Variants in KIF3B observed in about 807,000 individuals in gnomAD.
The protein encoded by KIF3B is kinesin-like protein KIF3B.
In KIF3B, 38 loss-of-function variants were observed where a neutral mutation model predicts 74.3. The ratio of observed to expected loss-of-function variants is 0.51; its 90% CI spans 0.39 to 0.67. The LOEUF (loss-of-function observed/expected upper bound fraction) is 0.67. Among genes scored for constraint, KIF3B ranks in the 30% least tolerant of loss-of-function variants. The pLI is 0.00. For missense variants in KIF3B, 649 were observed against 932.0 expected, an observed-to-expected ratio of 0.70 and a Z score of 3.95; for synonymous variants, 326 against 342.5, an observed-to-expected ratio of 0.95 and a Z score of 0.53.
chr20:32,303,646 T>A (rs2047754978), intron 1 of KIF3B, among the ~76,000 whole-genome samples: 1 of 151,538 alleles, frequency 6.6e-6, no homozygotes, highest in Non-Finnish European at 1.5e-5. Flanking sequence ...GGCAGGTGGA[T>A]CACCTGAGAT....
chr20:32,315,091 T>C (rs1243828463), intron 2 of KIF3B, among the ~76,000 whole-genome samples: 1 of 152,202 alleles, frequency 6.6e-6, no homozygotes, highest in Non-Finnish European at 1.5e-5. Flanking sequence ...AGCCCAGGCC[T>C]AGACCCCTGC....
chr20:32,298,145 A>C (rs2122672314), intron 1 of KIF3B, among the ~76,000 whole-genome samples: 1 of 151,934 alleles, frequency 6.6e-6, no homozygotes, highest in South Asian at 2.1e-4. Flanking sequence ...TGAATTAAAA[A>C]AAAAAATTCA....
chr20:32,323,514 C>G (rs1390671178), intron 5 of KIF3B, among the ~76,000 whole-genome samples: 1 of 151,996 alleles, frequency 6.6e-6, no homozygotes, highest in Non-Finnish European at 1.5e-5. Flanking sequence ...ATTCTCCTGC[C>G]TCGGCCTCCC....
rs571951855 is a variant in KIF3B, at chr20:32,303,434, G to A, written c.-65-6279G>A. On this transcript the variant is annotated intron_variant, in intron 1 of 8. Coordinates refer to ENST00000375712, the MANE Select transcript of KIF3B (RefSeq NM_004798.4). ...GCAAAAATTAGCTGGACCTGGTGGC[G>A]GGTGCTTGTGATCCCAGCTACTTGG... Among the ~76,000 whole-genome samples, 96 of 151,968 alleles carry A rather than the reference G, an allele frequency of 6.3e-4. 1 individual carries two copies. The highest frequency in any genetic ancestry group is 7.9e-4 in the Admixed American group (12 of 15,224).
In KIF3B at chr20:32,316,649, G is replaced by A. The variant is rs2047829062; in HGVS notation, c.1629G>A (p.Lys543=). 1 of 1,614,080 alleles carries A rather than the reference G, an allele frequency of 6.2e-7. No homozygotes were observed. Among genetic ancestry groups the A allele is most frequent in the Non-Finnish European group, 8.5e-7 (1 of 1,180,024 alleles). The part of the protein sequence containing the change: ...EVDIKTKKLK[K]LFSKLQAVKA... ...ACATCAAGACCAAAAAACTCAAAAA[G>A]GTATGAAAGGAATGAGGCCAGATGG... is the stretch of plus-strand genomic sequence containing the variant. The change falls in exon 4 of 9, where the codon AAG becomes AAA. Residue 543 remains lysine, a splice_region_variant and synonymous_variant. Coordinates refer to ENST00000375712, the MANE Select transcript of KIF3B (RefSeq NM_004798.4).
chr20:32,290,869 T>C (rs1354588307), intron 1 of KIF3B, among the ~76,000 whole-genome samples: 3 of 149,732 alleles, frequency 2.0e-5, no homozygotes, highest in Non-Finnish European at 4.4e-5. Context: ...TCAGCAAGAC[T>C]GTGTCTCAAA....
At position 32,283,157 on chromosome 20, in the gene KIF3B, C is replaced by T. The variant is rs1039884470; in HGVS notation, c.-66+5392C>T. ...GCTCAAGTGATCCTTCTACCTCAGT[C>T]TCTTGAGTGGCTGGGACCGCAGGCA... On this transcript the variant is annotated intron_variant, in intron 1 of 8. Transcript: ENST00000375712. Among the ~76,000 whole-genome samples the T allele has an allele frequency of 2.0e-5, 3 of 152,094 alleles. No individual in the cohort carries two copies. The East Asian group carries it at 5.8e-4, about 29-fold the overall frequency.
At chr20:32,301,931 C>T (rs1009353354) in intron 1 of KIF3B, among the ~76,000 whole-genome samples, 4 of 152,158 alleles carry the variant, frequency 2.6e-5, no homozygotes, top group Non-Finnish European at 5.9e-5. Flanking sequence ...ATTTCCTCAG[C>T]AGATAAAAGA....
At chr20:32,319,682 T>A (rs2122704774) in intron 5 of KIF3B, among the ~76,000 whole-genome samples, 1 of 147,456 alleles carries the variant, frequency 6.8e-6, no homozygotes, top group Middle Eastern at 3.7e-3. Context: ...GCCTCCTGGG[T>A]TCAAGCGATT....
At chr20:32,291,409 C>T (rs2047690595) in intron 1 of KIF3B, among the ~76,000 whole-genome samples, 1 of 151,960 alleles carries the variant, frequency 6.6e-6, no homozygotes, top group African/African-American at 2.4e-5. Context: ...GTTCTCAGCA[C>T]TTGGCAATCC....
intron 1 of KIF3B, among the ~76,000 whole-genome samples, chr20:32,292,608 A>G (rs2047697965): frequency 6.9e-6 from 1 of 143,926 alleles, no homozygotes; most frequent in Non-Finnish European, 1.5e-5. Flanking sequence ...AAAAAAAAAG[A>G]AAAGTCGGGT....
rs573286105 is a variant in KIF3B at position 32,334,615 on chromosome 20, T to A, written c.*3296T>A. 1 of 152,662 alleles carries A rather than the reference T, an allele frequency of 6.6e-6. No homozygotes were observed. Among genetic ancestry groups the A allele is most frequent in the South Asian group, 2.1e-4 (1 of 4,826 alleles). The allele number at this position is 152,662 out of a possible 1,614,324, so 9.5% of individuals were successfully genotyped here. A position where few individuals can be genotyped will look rare whatever the true frequency, so the allele number is the denominator to read the frequency against. ...GTGGACGAAAATGGGGCTGTTAATA[T>A]ACTCTAAAAGCCATACTAAAAATGC... is the stretch of plus-strand genomic sequence containing the variant. On this transcript the variant is annotated 3_prime_UTR_variant, in exon 9 of 9. Transcript: ENST00000375712.
intron 1 of KIF3B, among the ~76,000 whole-genome samples, chr20:32,290,118 G>A (rs2122660309): frequency 6.6e-6 from 1 of 152,168 alleles, no homozygotes; most frequent in South Asian, 2.1e-4. Flanking sequence ...TGATAGGCTG[G>A]GCACAGTGGC....
Position 32,311,796 on chromosome 20 carries a change from A to G in KIF3B, c.1404+615A>G, listed in dbSNP as rs2047801706. On this transcript the variant is annotated intron_variant, in intron 2 of 8. Coordinates refer to ENST00000375712, the MANE Select transcript of KIF3B (RefSeq NM_004798.4). The stretch of plus-strand genomic sequence containing the variant: ...CAGTGTAAGAAATAGAACAACATCC[A>G]TTTTTCTTTTTTTTTTTTTTTTTGA... Among the ~76,000 whole-genome samples, 3 of 142,378 alleles carry G rather than the reference A, an allele frequency of 2.1e-5. No individual in the cohort carries two copies. In the Admixed American group the frequency reaches 2.1e-4, roughly 10 times the overall value. 93.4% of individuals were successfully genotyped at this position (142,378 alleles called of 152,430 possible). A position where few individuals can be genotyped will look rare whatever the true frequency, so the allele number is the denominator to read the frequency against.
chr20:32,321,679 CTGCTT>C (rs1416382641), intron 5 of KIF3B, among the ~76,000 whole-genome samples: 2 of 152,120 alleles, frequency 1.3e-5, no homozygotes, highest in African/African-American at 4.8e-5. Flanking sequence ...TTACTGCACT[CTGCTT>C]TGTTATAATT....
chr20:32,306,085 TG>T (rs61647539), intron 1 of KIF3B, among the ~76,000 whole-genome samples: 48,703 of 118,866 alleles, frequency 0.41, 9,698 homozygotes, highest in East Asian at 0.79. Flanking sequence ...AGACTCCATC[TG>T]AAAAAAAAAA....
intron 1 of KIF3B, among the ~76,000 whole-genome samples, chr20:32,287,872 CTTTTTTT>C (rs10699896): frequency 9.9e-4 from 47 of 47,488 alleles, no homozygotes; most frequent in South Asian, 3.8e-3. Flanking sequence ...CTAAAAGTAT[CTTTTTTT>C]TTTTTTTTTT....
At position 32,309,797 on chromosome 20, in the gene KIF3B, C is replaced by T. The variant is rs1258366884; in HGVS notation, c.20C>T (p.Ser7Leu). The change falls in exon 2 of 9, where the codon TCA becomes TTA. Residue 7 changes from serine to leucine, a missense_variant. Ser to Leu is a moderately radical substitution (Grantham distance 145). Coordinates refer to ENST00000375712, the MANE Select transcript of KIF3B (RefSeq NM_004798.4). The part of the protein sequence containing the change: MSKLKS[S>L]ESVRVVVRCR... ...TTCATCATGTCAAAGTTGAAAAGCT[C>T]AGAGTCAGTCAGGGTGGTGGTTCGC... is the stretch of plus-strand genomic sequence containing the variant. The T allele has an allele frequency of 6.2e-7, 1 of 1,612,972 alleles. No individual in the cohort carries two copies. Among genetic ancestry groups the T allele is most frequent in the Non-Finnish European group, 8.5e-7 (1 of 1,179,478 alleles).
chr20:32,283,359 C>G (rs946614415), intron 1 of KIF3B, among the ~76,000 whole-genome samples: 1 of 151,890 alleles, frequency 6.6e-6, no homozygotes, highest in Non-Finnish European at 1.5e-5. Flanking sequence ...CAAAAATTAG[C>G]TGGGCGTGGT....
Sources: gnomAD v4.1 joint callset for allele counts (sites outside exome capture counted in the v4.1 genomes callset) on GRCh38, gnomAD v4.1.1 for gene constraint, MANE v1.5 for transcripts, NCBI Gene and HGNC (gene_info 2026-07-23, HGNC 2026-07-21) for gene names.